Variants in CYFIP2 observed in about 807,000 individuals in gnomAD.
CYFIP2 encodes the protein cytoplasmic FMR1-interacting protein 2.
In CYFIP2, 29 loss-of-function variants were observed where a neutral mutation model predicts 158.7. The observed-to-expected ratio is 0.18, with a 90% CI of 0.14 to 0.25. The LOEUF (loss-of-function observed/expected upper bound fraction) is 0.25, where lower values mean the gene tolerates loss of function less well. Among genes scored for constraint, CYFIP2 ranks in the 10% least tolerant of loss-of-function variants. The pLI, the probability that CYFIP2 is intolerant of heterozygous loss-of-function variation, is 1.00. For synonymous variants in CYFIP2, 585 were observed against 617.6 expected, an observed-to-expected ratio of 0.95 and a Z score of 0.78; for missense variants, 852 against 1,639.5, an observed-to-expected ratio of 0.52 and a Z score of 8.29.
intron 1 of CYFIP2, among the ~76,000 whole-genome samples, chr5:157,270,748 G>A (rs1756025270): frequency 6.6e-6 from 1 of 152,168 alleles, no homozygotes; most frequent in African/African-American, 2.4e-5. Flanking sequence ...TTCTTATATT[G>A]ACAAGGCAGC....
Position 157,390,506 on chromosome 5 carries a change from T to C in CYFIP2, c.3447-15T>C. ...CCGACCTCTCACTCCAGCTGCTTCCTCCCCCTGCTCCCAGGCAGTGTTTCG... is the reference window on the plus strand; with the variant it reads ...CCGACCTCTCACTCCAGCTGCTTCCCCCCCCTGCTCCCAGGCAGTGTTTCG... On this transcript the variant is annotated splice_polypyrimidine_tract_variant and intron_variant, in intron 29 of 30. Coordinates refer to ENST00000620254, the MANE Select transcript of CYFIP2 (RefSeq NM_001037333.3). 2 of 1,270,624 alleles carry C rather than the reference T, an allele frequency of 1.6e-6. No individual in the cohort carries two copies. Among genetic ancestry groups the C allele is most frequent in the Non-Finnish European group, 2.1e-6 (2 of 957,462 alleles). 78.7% of individuals were successfully genotyped at this position (1,270,624 alleles called of 1,614,324 possible). A position where few individuals can be genotyped will look rare whatever the true frequency, so the allele number is the denominator to read the frequency against.
chr5:157,327,892 G>C, intron 18 of CYFIP2, 81 bp from the exon 19 acceptor site: 1 of 1,362,596 alleles, frequency 7.3e-7, no homozygotes, highest in Non-Finnish European at 1.0e-6. Context: ...AATCCTGCCT[G>C]ACTGCTGTCT....
intron 5 of CYFIP2, among the ~76,000 whole-genome samples, chr5:157,298,487 C>CCTCCCAAGT (rs1280965662): frequency 4.0e-5 from 6 of 148,712 alleles, no homozygotes; most frequent in Admixed American, 6.8e-5. Flanking sequence ...AGGTGTGTGC[C>CCTCCCAAGT]ACCACGACCA....
At chr5:157,359,247 C>G (rs545409304) in intron 24 of CYFIP2, 99 bp downstream of exon 24, 99 of 1,384,580 alleles carry the variant, frequency 7.2e-5, no homozygotes, top group Non-Finnish European at 4.0e-6. Context: ...AAACAAATCC[C>G]AGGCACTGCA....
chr5:157,363,280 T>C (rs993185552), intron 26 of CYFIP2: 1 of 152,242 alleles, frequency 6.6e-6, no homozygotes, highest in Non-Finnish European at 1.5e-5. Flanking sequence ...CTAGTGGGAA[T>C]CTCTTTTAGC....
intron 26 of CYFIP2, among the ~76,000 whole-genome samples, chr5:157,374,351 A>G (rs901294836): frequency 2.6e-5 from 4 of 152,220 alleles, no homozygotes; most frequent in Admixed American, 1.3e-4. Flanking sequence ...AACGTCTGCT[A>G]GAAAGTGATT....
chr5:157,343,871 AAAG>A (rs1762485987), intron 23 of CYFIP2, among the ~76,000 whole-genome samples: 1 of 152,242 alleles, frequency 6.6e-6, no homozygotes, highest in South Asian at 2.1e-4. Flanking sequence ...CCTTAAGAAA[AAAG>A]AAGAAAAGGT....
At chr5:157,330,685 A>G (rs1048965431) in intron 19 of CYFIP2, 57 bp from the exon 20 acceptor site, 1 of 1,296,646 alleles carries the variant, frequency 7.7e-7, no homozygotes, top group African/African-American at 1.5e-5. Context: ...GTATCTGGGC[A>G]GTTGAGAGTC....
intron 16 of CYFIP2, 132 bp downstream of exon 16, chr5:157,324,206 G>GA: frequency 1.8e-6 from 2 of 1,085,360 alleles, no homozygotes; most frequent in Non-Finnish European, 2.5e-6. Context: ...CACCACCAAG[G>GA]AAAAAACACA....
rs1439562054 is a variant in CYFIP2, at chr5:157,384,338, C to A, written c.3207+979C>A. The A allele has an allele frequency of 8.8e-6, 4 of 456,530 alleles. No individual in the cohort carries two copies. The East Asian group carries it at 2.1e-4, about 24-fold the overall frequency. 28.3% of individuals were successfully genotyped at this position (456,530 alleles called of 1,614,324 possible). On this transcript the variant is annotated intron_variant, in intron 28 of 30. Coordinates refer to ENST00000620254, the MANE Select transcript of CYFIP2 (RefSeq NM_001037333.3). ...GCAAGCTTCACATTTTGGGGGCAGG[C>A]AGGGGAAGAATTCTAGAAGAGAAAC...
rs1404679458 is a variant in CYFIP2 at position 157,311,723 on chromosome 5, A to C, written c.1052A>C (p.Gln351Pro). The change falls in exon 11 of 31, where the codon CAG (glutamine) becomes CCG (proline). Residue 351 changes from glutamine to proline, a missense_variant. Coordinates refer to ENST00000620254, the MANE Select transcript of CYFIP2 (RefSeq NM_001037333.3). This position sits in a 1 kb window ranked among gnomAD's most constrained non-coding sequence, Gnocchi z 4.7. ...PQYNICEQMV[Q>P]IRDDHIRFIS... is the part of the protein sequence containing the mutation. Reference sequence around the variant, plus strand: ...TACAATATCTGCGAGCAGATGGTTCAGATCCGGGATGACCACATCCGCTTC... The same window carrying C: ...TACAATATCTGCGAGCAGATGGTTCCGATCCGGGATGACCACATCCGCTTC... 6 of 1,610,028 alleles carry C rather than the reference A, an allele frequency of 3.7e-6. No individual in the cohort carries two copies. The highest frequency in any genetic ancestry group is 5.1e-6 in the Non-Finnish European group (6 of 1,178,312).
At chr5:157,319,101 G>A (rs1397781907) in intron 13 of CYFIP2, among the ~76,000 whole-genome samples, 1 of 152,138 alleles carries the variant, frequency 6.6e-6, no homozygotes, top group Non-Finnish European at 1.5e-5. Context: ...ATACTTGCAG[G>A]CAGGCAGGTC....
In CYFIP2 at chr5:157,300,742, G is replaced by A. The variant is rs1377123656; in HGVS notation, c.415G>A (p.Glu139Lys). ...QRKAIERFCS[E>K]VKRLCHAERR... ...CAAGGCCATCGAGCGGTTCTGCAGC[G>A]AGGTGAAGCGGCTGTGCCATGCCGA... Residue 139 changes from glutamate (E) to lysine (K), a missense_variant, in exon 6 of 31, where the codon GAG (glutamate) becomes AAG (lysine). Transcript: ENST00000620254. The A allele has an allele frequency of 6.2e-7, 1 of 1,609,206 alleles. No individual in the cohort carries two copies. The highest frequency in any genetic ancestry group is 8.5e-7 in the Non-Finnish European group (1 of 1,177,098).
chr5:157,340,171 A>C (rs140486230), intron 22 of CYFIP2, among the ~76,000 whole-genome samples: 2 of 152,390 alleles, frequency 1.3e-5, no homozygotes, highest in African/African-American at 2.4e-5. Flanking sequence ...ACAAAGTTTC[A>C]TAACCCAGTG....
chr5:157,363,861 A>G (rs1396242697), intron 26 of CYFIP2: 1 of 152,256 alleles, frequency 6.6e-6, no homozygotes, highest in Non-Finnish European at 1.5e-5. Context: ...AATCAGAGCC[A>G]GAAAGGATGC....
chr5:157,305,126 T>TAA lies in CYFIP2; in HGVS notation c.795+761_795+762dup, dbSNP rs1265516041. On this transcript the variant is annotated intron_variant, in intron 8 of 30. Transcript: ENST00000620254. ...AGTAGTATTTCATGATGTATATATA[T>TAA]AACACATTTTCTTTATCTGCTTGTT... Among the ~76,000 whole-genome samples the TAA allele has an allele frequency of 2.6e-5, 4 of 152,360 alleles. No homozygotes were observed. In the East Asian group the frequency reaches 5.8e-4, roughly 22 times the overall value.
Position 157,331,015 on chromosome 5 carries a change from A to G in CYFIP2, c.2265+165A>G, listed in dbSNP as rs551743982. Among the ~76,000 whole-genome samples the G allele has an allele frequency of 4.6e-5, 7 of 152,126 alleles. No individual in the cohort carries two copies. The South Asian group carries it at 6.2e-4, about 14-fold the overall frequency. ...ACAGCCTCAGGATCTCATAAACAATAAAGAGGCATTGGGCTTCCTTTGGCT... is the reference window on the plus strand; with the variant it reads ...ACAGCCTCAGGATCTCATAAACAATGAAGAGGCATTGGGCTTCCTTTGGCT... On this transcript the variant is annotated intron_variant, in intron 20 of 30. Coordinates refer to ENST00000620254, the MANE Select transcript of CYFIP2 (RefSeq NM_001037333.3).
chr5:157,393,683 G>C lies in CYFIP2; in HGVS notation c.*683G>C, dbSNP rs1210076872. ...TGATCAGGCCTGCTGTGGGGAAGCAGTATGTATGAACACAGCCAGAAATGT... is the reference window on the plus strand; with the variant it reads ...TGATCAGGCCTGCTGTGGGGAAGCACTATGTATGAACACAGCCAGAAATGT... On this transcript the variant is annotated 3_prime_UTR_variant, in exon 31 of 31. Transcript: ENST00000620254. The C allele has an allele frequency of 6.6e-6, 1 of 152,318 alleles. No individual in the cohort carries two copies. The highest frequency in any genetic ancestry group is 2.4e-5 in the African/African-American group (1 of 41,446). The allele number at this position is 152,318 out of a possible 1,614,324, so 9.4% of individuals were successfully genotyped here.
chr5:157,323,808 TA>T (rs1760796648), intron 15 of CYFIP2, 112 bp from the exon 16 acceptor site: 3 of 1,260,522 alleles, frequency 2.4e-6, no homozygotes, highest in Non-Finnish European at 3.2e-6. Flanking sequence ...CAGTGCTTTT[TA>T]AGAGCAGACA....
Sources: gnomAD v4.1 joint callset for allele counts (sites outside exome capture counted in the v4.1 genomes callset) on GRCh38, gnomAD v4.1.1 for gene constraint, Gnocchi (gnomAD v3.1) non-coding constraint, MANE v1.5 for transcripts, NCBI Gene and HGNC (gene_info 2026-07-23, HGNC 2026-07-21) for gene names.